Variants in SULF1 observed in about 807,000 individuals in gnomAD.
The protein encoded by SULF1 is sulfatase 1, also known as extracellular sulfatase Sulf-1.
A neutral mutation model predicts 110.5 loss-of-function variants in SULF1; 46 were observed. The ratio of observed to expected loss-of-function variants is 0.42; its 90% confidence interval spans 0.33 to 0.53. The LOEUF (loss-of-function observed/expected upper bound fraction) is 0.53. Among genes scored for constraint, SULF1 ranks in the 20% least tolerant of loss-of-function variants. SULF1 has a pLI of 0.12. For missense variants in SULF1, 941 were observed against 1,094.2 expected (o/e 0.86, Z 1.98); for synonymous variants, 371 against 387.1 (o/e 0.96, Z 0.49).
chr8:69,589,270 C>A, intron 8 of SULF1, 129 bp downstream of exon 8: 1 of 967,820 alleles, frequency 1.0e-6, no homozygotes. Context: ...GAAAGGATAA[C>A]TTAAGAGCAG....
At chr8:69,530,156 T>C (rs1013109126) in intron 3 of SULF1, among the ~76,000 whole-genome samples, 3 of 152,176 alleles carry the variant, frequency 2.0e-5, no homozygotes, top group African/African-American at 4.8e-5. Context: ...TTGAGGAGTC[T>C]TTCTGGACTC....
chr8:69,515,930 C>T (rs191986319), intron 3 of SULF1, among the ~76,000 whole-genome samples: 165 of 152,286 alleles, frequency 1.1e-3, no homozygotes, highest in African/African-American at 3.6e-3. Context: ...CATCTCCATT[C>T]GAGACCACCT....
intron 8 of SULF1, among the ~76,000 whole-genome samples, chr8:69,590,935 AC>A (rs928481332): frequency 6.6e-6 from 1 of 151,398 alleles, no homozygotes; most frequent in Non-Finnish European, 1.5e-5. Context: ...ATACCCCTGA[AC>A]CCCCCTGTTC....
intron 3 of SULF1, among the ~76,000 whole-genome samples, chr8:69,536,882 G>A (rs190533063): frequency 6.6e-6 from 1 of 152,136 alleles, no homozygotes; most frequent in Non-Finnish European, 1.5e-5. Flanking sequence ...GGCCCTCCCA[G>A]GGAGGAAGGG....
At chr8:69,472,047 A>AT (rs745627555) in intron 1 of SULF1, among the ~76,000 whole-genome samples, 3 of 151,916 alleles carry the variant, frequency 2.0e-5, no homozygotes, top group Non-Finnish European at 2.9e-5. Context: ...GCATTTAGGG[A>AT]TTTGGAGCAA....
intron 3 of SULF1, among the ~76,000 whole-genome samples, chr8:69,503,303 G>A (rs1810941031): frequency 6.6e-6 from 1 of 152,140 alleles, no homozygotes; most frequent in Admixed American, 6.5e-5. Flanking sequence ...GTCTGAAGAT[G>A]GCATGGGGTA....
chr8:69,484,843 TTCTTC>T, intron 1 of SULF1, among the ~76,000 whole-genome samples: 1 of 151,850 alleles, frequency 6.6e-6, no homozygotes, highest in Non-Finnish European at 1.5e-5. Flanking sequence ...CTTCTTCTTC[TTCTTC>T]TTCTTCTTCT....
Position 69,601,670 on chromosome 8 carries a change from T to C in SULF1, c.902T>C (p.Val301Ala). The C allele has an allele frequency of 6.2e-7, 1 of 1,611,152 alleles. No homozygotes were observed. Among genetic ancestry groups the C allele is most frequent in the Non-Finnish European group, 8.5e-7 (1 of 1,178,690 alleles). ...DSVERLYNML[V>A]ETGELENTYI... is the part of the protein sequence containing the mutation. ...GTATTTCAGCTGTATAACATGCTCG[T>C]GGAGACGGGGGAGCTGGAGAATACT... The change falls in exon 10 of 23, where the codon GTG (valine) becomes GCG (alanine). Residue 301 changes from valine (V) to alanine (A), a missense_variant. By Grantham distance (64) the Val-to-Ala change is moderately conservative. Transcript: ENST00000402687.
intron 3 of SULF1, among the ~76,000 whole-genome samples, chr8:69,527,195 C>T (rs1051443367): frequency 6.6e-6 from 1 of 151,918 alleles, no homozygotes. Context: ...ATTGCATGTG[C>T]AAAAGTAGCT....
At chr8:69,479,351 C>T (rs1809424714) in intron 1 of SULF1, among the ~76,000 whole-genome samples, 1 of 152,118 alleles carries the variant, frequency 6.6e-6, no homozygotes, top group African/African-American at 2.4e-5. Context: ...CCACTATCTG[C>T]CGCATAGCAT....
chr8:69,627,314 A>ATGGCTATGT lies in SULF1; in HGVS notation c.1947+9_1947+17dup, dbSNP rs897904740. 6 of 1,608,556 alleles carry ATGGCTATGT rather than the reference A, an allele frequency of 3.7e-6. No individual in the cohort carries two copies. In the African/African-American group the frequency reaches 8.0e-5, roughly 22 times the overall value. On this transcript the variant is annotated intron_variant, in intron 16 of 22. Transcript: ENST00000402687. ...GCATACATTGACAAAGAGGTTAGCC[A>ATGGCTATGT]TGGCTATGTGACTGTCAGATATATT...
rs1813020728 is a variant in SULF1 at position 69,660,231 on chromosome 8, A to G, written c.*1696A>G. 1 of 152,212 alleles carries G rather than the reference A, an allele frequency of 6.6e-6. No homozygotes were observed. Among genetic ancestry groups the G allele is most frequent in the African/African-American group, 2.4e-5 (1 of 41,460 alleles). The allele number at this position is 152,212 out of a possible 1,614,324, so 9.4% of individuals were successfully genotyped here. A position where few individuals can be genotyped will look rare whatever the true frequency, so the allele number is the denominator to read the frequency against. On this transcript the variant is annotated 3_prime_UTR_variant, in exon 23 of 23. Transcript: ENST00000402687. Reference sequence around the variant, plus strand: ...TAAGAAGCTTAAATGTTGATAAAATATGACTAGTTTTGAATTTACACCAAG... The same window carrying G: ...TAAGAAGCTTAAATGTTGATAAAATGTGACTAGTTTTGAATTTACACCAAG...
chr8:69,558,694 A>G (rs1182121312), intron 3 of SULF1, among the ~76,000 whole-genome samples: 1 of 152,210 alleles, frequency 6.6e-6, no homozygotes, highest in Non-Finnish European at 1.5e-5. Context: ...TAAATGTGAG[A>G]GTCTGGGCTT....
At chr8:69,556,147 G>C (rs1202987577) in intron 3 of SULF1, among the ~76,000 whole-genome samples, 2 of 152,120 alleles carry the variant, frequency 1.3e-5, no homozygotes, top group African/African-American at 4.8e-5. Context: ...ATATGCACGT[G>C]TATGTGTGTG....
intron 3 of SULF1, among the ~76,000 whole-genome samples, chr8:69,531,343 T>C (rs2150642504): frequency 6.6e-6 from 1 of 152,288 alleles, no homozygotes; most frequent in Non-Finnish European, 1.5e-5. Context: ...AGTATCCCTT[T>C]TAAATTTCCC....
intron 13 of SULF1, among the ~76,000 whole-genome samples, chr8:69,612,674 C>A (rs1654164115): frequency 6.6e-6 from 1 of 152,092 alleles, no homozygotes; most frequent in Non-Finnish European, 1.5e-5. Flanking sequence ...CTATTCATTT[C>A]TTTACCCTAC....
chr8:69,485,660 G>C (rs1331092938), intron 1 of SULF1, among the ~76,000 whole-genome samples: 4 of 152,192 alleles, frequency 2.6e-5, no homozygotes. Context: ...CAGTCGGCTT[G>C]TGTCCAGGGT....
chr8:69,528,987 T>C (rs1168993287), intron 3 of SULF1, among the ~76,000 whole-genome samples: 1 of 152,122 alleles, frequency 6.6e-6, no homozygotes, highest in Non-Finnish European at 1.5e-5. Context: ...AAAAAGGAAA[T>C]GCTTATTAGG....
At chr8:69,589,172 C>T (rs779235016) in intron 8 of SULF1, 31 bp downstream of exon 8, 32 of 1,598,518 alleles carry the variant, frequency 2.0e-5, no homozygotes, top group East Asian at 6.7e-5. Context: ...TGCGACCTGC[C>T]GAACATGCCT....
Sources: allele counts gnomAD v4.1 joint callset (sites outside exome capture counted in the v4.1 genomes callset), GRCh38; gene constraint gnomAD v4.1.1; transcripts MANE v1.5; gene names NCBI Gene and HGNC (gene_info 2026-07-23, HGNC 2026-07-21).